UBE2U: variants seen among roughly 807,000 people sequenced by gnomAD.
The protein encoded by UBE2U is ubiquitin-conjugating enzyme E2 U.
A neutral mutation model predicts 41.2 loss-of-function variants in UBE2U; 39 were observed. The ratio of observed to expected loss-of-function variants is 0.95; its 90% CI spans 0.73 to 1.24. UBE2U has a LOEUF of 1.24. UBE2U is among the 50% of genes most tolerant of loss of function. UBE2U has a pLI of 0.00. For missense variants in UBE2U, 336 were observed against 363.1 expected, an observed-to-expected ratio of 0.93 and a Z score of 0.61; for synonymous variants, 107 against 117.8, an observed-to-expected ratio of 0.91 and a Z score of 0.60.
chr1:64,257,033 A>AAATCAAAACCACAATGAGAT (rs1645104921), intron 8 of UBE2U, among the ~76,000 whole-genome samples: 1 of 152,246 alleles, frequency 6.6e-6, no homozygotes, highest in East Asian at 1.9e-4. Context: ...AGAGAAATGT[A>AAATCAAAACCACAATGAGAT]AATCAAAACC....
At chr1:64,214,169 C>T (rs1051955020) in intron 4 of UBE2U, among the ~76,000 whole-genome samples, 25 of 152,106 alleles carry the variant, frequency 1.6e-4, no homozygotes, top group African/African-American at 5.6e-4. Flanking sequence ...GTCAGTGCTG[C>T]GCAGTAGCAC....
At chr1:64,249,789 A>C (rs1191502428) in intron 8 of UBE2U, among the ~76,000 whole-genome samples, 2 of 152,088 alleles carry the variant, frequency 1.3e-5, no homozygotes, top group African/African-American at 2.4e-5. Flanking sequence ...GGACAATATC[A>C]AGTGGTAGAA....
intron 7 of UBE2U, among the ~76,000 whole-genome samples, chr1:64,235,328 CTCT>C (rs1275751239): frequency 2.0e-5 from 3 of 152,144 alleles, no homozygotes; most frequent in East Asian, 1.9e-4. Context: ...ATCACCCTGC[CTCT>C]TCTTCTTCTA....
intron 7 of UBE2U, among the ~76,000 whole-genome samples, chr1:64,239,156 GAAAGAA>G (rs1449863994): frequency 7.1e-5 from 2 of 28,354 alleles, no homozygotes; most frequent in Admixed American, 3.9e-4. Flanking sequence ...AGAAGAAGAA[GAAAGAA>G]GAAGAAGAAG....
chr1:64,205,835 C>A, intron 2 of UBE2U, 115 bp downstream of exon 2: 1 of 707,946 alleles, frequency 1.4e-6, no homozygotes, highest in Non-Finnish European at 2.2e-6. Flanking sequence ...AATTCTTCTT[C>A]ATATGCATAA....
Position 64,206,511 on chromosome 1 carries a change from G to C in UBE2U, c.149-253G>C, listed in dbSNP as rs374460198. Among the ~76,000 whole-genome samples, 12 of 151,486 alleles carry C rather than the reference G, an allele frequency of 7.9e-5. No homozygotes were observed. The East Asian group carries it at 1.2e-3, about 15-fold the overall frequency. On this transcript the variant is annotated intron_variant, in intron 2 of 9. Transcript: ENST00000371077. ...TCAGTCAATACGAGATACAACAGAG[G>C]GGGTGGATGTTAGGGCGACAAAGGT...
intron 3 of UBE2U, among the ~76,000 whole-genome samples, chr1:64,207,906 T>G (rs996881883): frequency 1.9e-4 from 29 of 152,234 alleles, no homozygotes; most frequent in African/African-American, 6.7e-4. Flanking sequence ...TTGCAATGCA[T>G]GTAACAGAAT....
intron 8 of UBE2U, among the ~76,000 whole-genome samples, chr1:64,249,154 A>T (rs1644966374): frequency 6.6e-6 from 1 of 152,088 alleles, no homozygotes; most frequent in South Asian, 2.1e-4. Flanking sequence ...AGGCGGACAG[A>T]TCACCTGAGG....
chr1:64,230,265 C>T (rs1265333387), intron 6 of UBE2U, among the ~76,000 whole-genome samples: 1 of 152,182 alleles, frequency 6.6e-6, no homozygotes, highest in Non-Finnish European at 1.5e-5. Flanking sequence ...CTCCACCCTG[C>T]TTATTACTTT....
At chr1:64,261,436 A>T (rs981658168) in intron 9 of UBE2U, among the ~76,000 whole-genome samples, 4 of 152,176 alleles carry the variant, frequency 2.6e-5, no homozygotes, top group Non-Finnish European at 5.9e-5. Flanking sequence ...ACAAAAAAAA[A>T]TAGTTACTGT....
chr1:64,258,465 TC>T (rs1645130656), intron 8 of UBE2U, among the ~76,000 whole-genome samples: 1 of 151,388 alleles, frequency 6.6e-6, no homozygotes, highest in South Asian at 2.1e-4. Flanking sequence ...ATGCTATCCC[TC>T]CCCCATCCCC....
chr1:64,213,416 T>A (rs770425977), intron 4 of UBE2U, among the ~76,000 whole-genome samples: 2 of 152,194 alleles, frequency 1.3e-5, no homozygotes, highest in Non-Finnish European at 2.9e-5. Flanking sequence ...TCCTCTAGGA[T>A]ACCTTTTCTG....
chr1:64,219,995 T>A (rs933813792), intron 5 of UBE2U, among the ~76,000 whole-genome samples: 3 of 152,206 alleles, frequency 2.0e-5, no homozygotes, highest in Admixed American at 6.5e-5. Flanking sequence ...CTGTTTCCTA[T>A]TTTTCTCTTT....
chr1:64,229,360 C>T (rs566303351), intron 6 of UBE2U, among the ~76,000 whole-genome samples: 1 of 152,090 alleles, frequency 6.6e-6, no homozygotes, highest in Non-Finnish European at 1.5e-5. Context: ...TGATGAGGTA[C>T]TTATCAAGGC....
intron 1 of UBE2U, among the ~76,000 whole-genome samples, chr1:64,204,328 C>T (rs77208645): frequency 3.3e-5 from 5 of 152,048 alleles, no homozygotes; most frequent in African/African-American, 1.2e-4. Context: ...CAATATTGAA[C>T]ATATTATGCA....
intron 3 of UBE2U, among the ~76,000 whole-genome samples, chr1:64,209,563 G>A (rs1332501402): frequency 6.6e-6 from 1 of 152,094 alleles, no homozygotes; most frequent in African/African-American, 2.4e-5. Context: ...CTCCATTTCA[G>A]TCTTATGTGC....
At chr1:64,225,737 A>G (rs2100353215) in intron 6 of UBE2U, among the ~76,000 whole-genome samples, 1 of 152,336 alleles carries the variant, frequency 6.6e-6, no homozygotes, top group Non-Finnish European at 1.5e-5. Context: ...GTTGTGAGAA[A>G]AAGTGGGACC....
At chr1:64,219,189 TG>T (rs1246297697) in intron 5 of UBE2U, among the ~76,000 whole-genome samples, 1 of 152,240 alleles carries the variant, frequency 6.6e-6, no homozygotes, top group African/African-American at 2.4e-5. Context: ...GCTCATAGTT[TG>T]GTTAAATTTT....
chr1:64,249,861 A>C (rs1023833199), intron 8 of UBE2U, among the ~76,000 whole-genome samples: 6 of 152,106 alleles, frequency 3.9e-5, no homozygotes, highest in African/African-American at 9.6e-5. Context: ...AATAATTATG[A>C]CTGAAAATTT....
Sources: allele counts gnomAD v4.1 joint callset (sites outside exome capture counted in the v4.1 genomes callset), GRCh38; gene constraint gnomAD v4.1.1; transcripts MANE v1.5; gene names NCBI Gene and HGNC (gene_info 2026-07-23, HGNC 2026-07-21).